BICD1: variants seen among roughly 807,000 people sequenced by gnomAD.
The protein encoded by BICD1 is BICD cargo adaptor 1, also known as protein bicaudal D homolog 1.
In BICD1, 35 loss-of-function variants were observed where a neutral mutation model predicts 92.5. That is an observed-to-expected ratio of 0.38 (90% CI 0.29 to 0.50). BICD1 has a LOEUF of 0.50. Among genes scored for constraint, BICD1 ranks in the 20% least tolerant of loss-of-function variants. BICD1 has a pLI of 0.93. For missense variants in BICD1, 950 were observed against 1,189.8 expected, an observed-to-expected ratio of 0.80 and a Z score of 2.97; for synonymous variants, 429 against 465.1, an observed-to-expected ratio of 0.92 and a Z score of 1.00.
intron 2 of BICD1, among the ~76,000 whole-genome samples, chr12:32,221,382 TAAATAAAA>T: frequency 6.8e-6 from 1 of 146,610 alleles, no homozygotes; most frequent in East Asian, 2.0e-4. Flanking sequence ...TAAATAAAAA[TAAATAAAA>T]ATAATTTTAT....
At chr12:32,218,036 AAGCTGCAATCCCCATTGTGTGTAGC>A (rs1352420617) in intron 2 of BICD1, among the ~76,000 whole-genome samples, 6 of 152,268 alleles carry the variant, frequency 3.9e-5, no homozygotes, top group Non-Finnish European at 8.8e-5. Context: ...GATCCTCTGA[AAGCTGCAATCCCCATTGTGTGTAGC>A]AGCTGCAGCT....
chr12:32,165,598 T>C (rs1318174918), intron 1 of BICD1, among the ~76,000 whole-genome samples: 1 of 151,342 alleles, frequency 6.6e-6, no homozygotes, highest in African/African-American at 2.4e-5. Context: ...GGCAAGATAA[T>C]TGCTTGAACC....
intron 2 of BICD1, among the ~76,000 whole-genome samples, chr12:32,223,838 G>A (rs968064388): frequency 1.3e-5 from 2 of 152,086 alleles, no homozygotes; most frequent in African/African-American, 4.8e-5. Context: ...TTTCAATATT[G>A]TCTTATGTCA....
intron 9 of BICD1, among the ~76,000 whole-genome samples, chr12:32,368,577 C>T (rs575578047): frequency 6.6e-6 from 1 of 152,214 alleles, no homozygotes; most frequent in Non-Finnish European, 1.5e-5. Flanking sequence ...TGCCTCTAAT[C>T]CCACCTACTC....
intron 1 of BICD1, among the ~76,000 whole-genome samples, chr12:32,198,149 G>T (rs1269673099): frequency 1.3e-5 from 2 of 151,824 alleles, no homozygotes; most frequent in African/African-American, 4.8e-5. Context: ...AGGTTGCGGT[G>T]AGCTGAGATC....
At chr12:32,179,932 G>A (rs745712130) in intron 1 of BICD1, among the ~76,000 whole-genome samples, 6 of 148,996 alleles carry the variant, frequency 4.0e-5, no homozygotes, top group Non-Finnish European at 5.9e-5. Context: ...AAAGATTGCA[G>A]TGAGCCGACA....
intron 1 of BICD1, among the ~76,000 whole-genome samples, chr12:32,138,239 A>G (rs1942798137): frequency 6.6e-6 from 1 of 152,212 alleles, no homozygotes; most frequent in South Asian, 2.1e-4. Context: ...TTCCACTTAC[A>G]TAGATGAGAA....
chr12:32,304,989 C>T (rs546628442), intron 3 of BICD1, among the ~76,000 whole-genome samples: 1 of 152,218 alleles, frequency 6.6e-6, no homozygotes, highest in Non-Finnish European at 1.5e-5. Flanking sequence ...ACCATTGCAC[C>T]CCAGTCTGGG....
At chr12:32,369,159 G>A (rs79667835) in intron 9 of BICD1, among the ~76,000 whole-genome samples, 4,147 of 152,298 alleles carry the variant, frequency 0.027, 199 homozygotes, top group African/African-American at 0.095. Context: ...TGACAATTCC[G>A]ATTCCAAAGG....
At chr12:32,115,975 T>C (rs568842935) in intron 1 of BICD1, among the ~76,000 whole-genome samples, 1 of 152,266 alleles carries the variant, frequency 6.6e-6, no homozygotes, top group South Asian at 2.1e-4. Context: ...TTGAAATAGT[T>C]AGGATCTTAT....
At chr12:32,263,977 T>TTTTTTAAAGCA (rs1205050231) in intron 2 of BICD1, among the ~76,000 whole-genome samples, 1 of 152,218 alleles carries the variant, frequency 6.6e-6, no homozygotes, top group African/African-American at 2.4e-5. Flanking sequence ...GAGTAGTTCA[T>TTTTTTAAAGCA]TTTTTAAAGC....
chr12:32,123,652 G>A (rs1942231219), intron 1 of BICD1, among the ~76,000 whole-genome samples: 1 of 152,142 alleles, frequency 6.6e-6, no homozygotes, highest in Non-Finnish European at 1.5e-5. Context: ...TGAGGCGGGC[G>A]GATCACCTGA....
At chr12:32,248,262 GGA>G (rs1019311280) in intron 2 of BICD1, among the ~76,000 whole-genome samples, 1 of 152,222 alleles carries the variant, frequency 6.6e-6, no homozygotes, top group Admixed American at 6.5e-5. Flanking sequence ...TGACTTGGCA[GGA>G]GAGTTTCCCT....
At chr12:32,322,481 C>T (rs907071670) in intron 4 of BICD1, among the ~76,000 whole-genome samples, 7 of 152,140 alleles carry the variant, frequency 4.6e-5, no homozygotes, top group African/African-American at 1.7e-4. Context: ...GTTCGCACTC[C>T]TATGGCAATC....
At chr12:32,368,430 C>T (rs1939607773) in intron 9 of BICD1, among the ~76,000 whole-genome samples, 1 of 152,174 alleles carries the variant, frequency 6.6e-6, no homozygotes, top group African/African-American at 2.4e-5. Context: ...CATGATGGCT[C>T]ACACCCGTAA....
intron 8 of BICD1, among the ~76,000 whole-genome samples, chr12:32,355,165 A>C (rs1209225227): frequency 6.6e-6 from 1 of 152,266 alleles, no homozygotes. Flanking sequence ...AGAATAATTG[A>C]TCATCTGATA....
In BICD1 at chr12:32,305,989, G is replaced by A; in HGVS notation, c.872G>A (p.Gly291Glu). ...NDDKMNGHIHGPLVKLNGDYR... is the reference protein window; with the variant it reads ...NDDKMNGHIHEPLVKLNGDYR... ...GACAAAATGAACGGTCATATCCATG[G>A]GCCTCTTGTGAAACTGAATGGAGAC... Residue 291 changes from glycine (G) to glutamate (E), a missense_variant, in exon 4 of 10, where the codon GGG becomes GAG. Physicochemically the swap from Gly to Glu is moderately conservative, Grantham distance 98. Around this residue, in one of 5 missense-constraint regions of BICD1, gnomAD observed 246 missense variants for 258.4 expected, o/e 0.95. Coordinates refer to ENST00000652176, the MANE Select transcript of BICD1 (RefSeq NM_001714.4). The A allele has an allele frequency of 6.2e-7, 1 of 1,614,162 alleles. No individual in the cohort carries two copies. The highest frequency in any genetic ancestry group is 8.5e-7 in the Non-Finnish European group (1 of 1,180,034).
chr12:32,165,822 T>C (rs79589225), intron 1 of BICD1, among the ~76,000 whole-genome samples: 2,599 of 152,234 alleles, frequency 0.017, 103 homozygotes, highest in East Asian at 0.17. Context: ...GATTCATCTG[T>C]TCAAAAGCAA....
chr12:32,222,300 T>G (rs778143525), intron 2 of BICD1, among the ~76,000 whole-genome samples: 2 of 152,228 alleles, frequency 1.3e-5, no homozygotes, highest in Non-Finnish European at 2.9e-5. Flanking sequence ...GCCTATAATT[T>G]AAAGTGAAAA....
Sources: gnomAD v4.1 joint callset for allele counts (sites outside exome capture counted in the v4.1 genomes callset) on GRCh38, gnomAD v4.1.1 for gene constraint, gnomAD v4.1.1 regional missense constraint, MANE v1.5 for transcripts, NCBI Gene and HGNC (gene_info 2026-07-23, HGNC 2026-07-21) for gene names.